The following PDHX variants were observed in gnomAD, a reference collection of about 807,000 sequenced individuals.
PDHX encodes pyruvate dehydrogenase complex component X.
A neutral mutation model predicts 55.3 loss-of-function variants in PDHX; 33 were observed. That is an observed-to-expected ratio of 0.60 (90% CI 0.45 to 0.80). PDHX has a LOEUF of 0.80. PDHX is among the 30% of genes least tolerant of loss of function. The pLI is 0.00. For synonymous variants in PDHX, 226 were observed against 219.4 expected, an observed-to-expected ratio of 1.03 and a Z score of -0.27; for missense variants, 622 against 619.9, an observed-to-expected ratio of 1.00 and a Z score of -0.04.
At chr11:34,930,020 A>G (rs140856925) in intron 1 of PDHX, among the ~76,000 whole-genome samples, 7 of 152,352 alleles carry the variant, frequency 4.6e-5, no homozygotes, top group Admixed American at 1.3e-4. Context: ...CTGTGTGTGT[A>G]CAAAGCAAAC....
chr11:34,916,528 G>T (rs1218082857), upstream of PDHX: 3 of 1,419,598 alleles, frequency 2.1e-6, no homozygotes, highest in African/African-American at 6.7e-5. Context: ...GTTGGGGGGC[G>T]GGGGTTCAAG....
intron 1 of PDHX, among the ~76,000 whole-genome samples, chr11:34,922,015 G>GA (rs2133937816): frequency 6.6e-6 from 1 of 152,310 alleles, no homozygotes; most frequent in East Asian, 1.9e-4. Context: ...TGACCACTTT[G>GA]GAACTGTGCA....
intron 7 of PDHX, among the ~76,000 whole-genome samples, chr11:34,973,965 T>G (rs1278877302): frequency 6.6e-6 from 1 of 152,212 alleles, no homozygotes; most frequent in Non-Finnish European, 1.5e-5. Context: ...AGTTTTTGTC[T>G]GAAAAAGTCT....
Position 34,940,211 on chromosome 11 carries a change from A to G in PDHX, c.242-7295A>G, listed in dbSNP as rs149710838. Among the ~76,000 whole-genome samples the G allele has an allele frequency of 1.1e-4, 16 of 152,290 alleles. No individual in the cohort carries two copies. In the East Asian group the frequency reaches 3.1e-3, roughly 29 times the overall value. On this transcript the variant is annotated intron_variant, in intron 2 of 10. Transcript: ENST00000227868. ...TTCCATCAAGCACTTAGCCACACCC[A>G]CAGTGCCTAGAATGTACGTAGTAAG...
Position 34,951,213 on chromosome 11 carries a change from C to T in PDHX, c.342+3607C>T, listed in dbSNP as rs1854759598. On this transcript the variant is annotated intron_variant, in intron 3 of 10. Transcript: ENST00000227868. ...CTGGGACTACAGGCGCCCGCCATCA[C>T]GCCCGGCTAATTTTTCTGTATTTTT... Among the ~76,000 whole-genome samples the T allele has an allele frequency of 6.6e-5, 10 of 151,982 alleles. No individual in the cohort carries two copies. The South Asian group carries it at 1.9e-3, about 28-fold the overall frequency.
At chr11:34,963,421 G>A (rs1445929308) in intron 5 of PDHX, among the ~76,000 whole-genome samples, 2 of 152,150 alleles carry the variant, frequency 1.3e-5, no homozygotes, top group Non-Finnish European at 2.9e-5. Context: ...TGGGACTACA[G>A]GTGTGCCACC....
chr11:34,990,850 A>AGATGAT (rs1488059465), intron 9 of PDHX, among the ~76,000 whole-genome samples: 2 of 152,192 alleles, frequency 1.3e-5, no homozygotes, highest in African/African-American at 4.8e-5. Context: ...ATTTTAAAAA[A>AGATGAT]TTAAATCATC....
In PDHX at chr11:34,966,626, G is replaced by C; in HGVS notation, c.642-14G>C. On this transcript the variant is annotated splice_polypyrimidine_tract_variant and intron_variant, in intron 5 of 10. Coordinates refer to ENST00000227868, the MANE Select transcript of PDHX (RefSeq NM_003477.3). The stretch of plus-strand genomic sequence containing the variant: ...ATTGCTAATTATGGTTATCTACTTT[G>C]CTCTTATTTCCAGGGATGCTCTCAA... 6.2e-7 allele frequency: 1 copy of C among 1,613,282 alleles called. No individual in the cohort carries two copies. Among genetic ancestry groups the C allele is most frequent in the Non-Finnish European group, 8.5e-7 (1 of 1,179,384 alleles).
intron 1 of PDHX, 115 bp downstream of exon 1, chr11:34,916,930 C>G: frequency 9.7e-7 from 1 of 1,027,362 alleles, no homozygotes; most frequent in East Asian, 2.6e-5. Context: ...GCTCCTTATT[C>G]CCTTTCCTCT....
chr11:34,921,348 G>T (rs886322255), intron 1 of PDHX, among the ~76,000 whole-genome samples: 3 of 152,104 alleles, frequency 2.0e-5, no homozygotes, highest in African/African-American at 7.2e-5. Flanking sequence ...CCTTGCCTCA[G>T]TGGTGATTCA....
intron 3 of PDHX, among the ~76,000 whole-genome samples, chr11:34,948,469 G>A (rs895842953): frequency 2.6e-5 from 4 of 151,500 alleles, no homozygotes; most frequent in Non-Finnish European, 4.4e-5. Context: ...ACCTTCCTTT[G>A]TATATTCTAT....
At chr11:34,930,108 C>A (rs1311558238) in intron 1 of PDHX, among the ~76,000 whole-genome samples, 2 of 152,318 alleles carry the variant, frequency 1.3e-5, no homozygotes, top group East Asian at 3.9e-4. Flanking sequence ...TGTGGAGCTG[C>A]TTTTGAAAGG....
chr11:34,940,072 C>T (rs545142672), intron 2 of PDHX, among the ~76,000 whole-genome samples: 64 of 152,226 alleles, frequency 4.2e-4, no homozygotes, highest in African/African-American at 1.5e-3. Context: ...TTCTTGTTCT[C>T]CTTTTGTAAG....
At chr11:34,915,980 CT>C (rs1853671951), upstream of PDHX, 1 of 583,598 alleles carries the variant, frequency 1.7e-6, no homozygotes. Flanking sequence ...TTATTTGCTT[CT>C]TTCCAACGTT....
intron 8 of PDHX, among the ~76,000 whole-genome samples, chr11:34,980,352 C>CTTTTTTGTTTTTTTTTTTT (rs1855482014): frequency 1.3e-5 from 1 of 74,822 alleles, no homozygotes; most frequent in African/African-American, 5.0e-5. Flanking sequence ...AAGATAGTTT[C>CTTTTTTGTTTTTTTTTTTT]TTTTTTTTTT....
chr11:34,950,346 ATGTT>A (rs1162316778), intron 3 of PDHX, among the ~76,000 whole-genome samples: 10 of 150,288 alleles, frequency 6.7e-5, no homozygotes, highest in East Asian at 3.9e-4. Flanking sequence ...TCTTTTTTTA[ATGTT>A]TGTTTATTTA....
intron 6 of PDHX, among the ~76,000 whole-genome samples, chr11:34,969,684 C>T (rs1312361077): frequency 6.6e-6 from 1 of 152,026 alleles, no homozygotes; most frequent in Non-Finnish European, 1.5e-5. Flanking sequence ...ACAAAAGCTG[C>T]TTACAGATGG....
chr11:34,916,841 T>A, intron 1 of PDHX, 26 bp downstream of exon 1: 1 of 1,541,682 alleles, frequency 6.5e-7, no homozygotes, highest in Non-Finnish European at 8.8e-7. Context: ...TCGCTCAGCT[T>A]CTCTGTGTAG....
At chr11:34,977,571 T>G (rs1855407018) in intron 7 of PDHX, among the ~76,000 whole-genome samples, 1 of 152,100 alleles carries the variant, frequency 6.6e-6, no homozygotes, top group Admixed American at 6.6e-5. Context: ...GCAGTTAAAT[T>G]TTTTTTCACC....
Sources: gnomAD v4.1 joint callset for allele counts (sites outside exome capture counted in the v4.1 genomes callset) on GRCh38, gnomAD v4.1.1 for gene constraint, MANE v1.5 for transcripts, NCBI Gene and HGNC (gene_info 2026-07-23, HGNC 2026-07-21) for gene names.